Variants in RARA observed in about 807,000 individuals in gnomAD.
RARA encodes PML-DDX5-RARA fusion.
Under a neutral mutation model 42.8 loss-of-function variants are expected in RARA, and 5 were observed. The ratio of observed to expected loss-of-function variants is 0.12; its 90% CI spans 0.06 to 0.25. The LOEUF is 0.25. Ranked by LOEUF, RARA falls within the 10% of genes least tolerant of loss-of-function variation. The probability of loss-of-function intolerance (pLI) is 1.00; values close to 1 mark genes in which losing one functional copy is unlikely to be tolerated. For missense variants in RARA, 402 were observed against 628.7 expected (o/e 0.64, Z 3.86); for synonymous variants, 256 against 259.5 (o/e 0.99, Z 0.13).
rs930537624 is a variant in RARA, at chr17:40,355,664, C to G, written c.1171+243C>G. ...GGTGTGTGTCCTTGTGTGGGTCACT[C>G]AACAGCTCCTAGCTACAGTTTCCCT... On this transcript the variant is annotated intron_variant, in intron 8 of 8. Transcript: ENST00000254066. The surrounding 1 kb of genome is among the most constrained non-coding windows in gnomAD (Gnocchi z 4.1). Among the ~76,000 whole-genome samples the G allele has an allele frequency of 2.6e-5, 4 of 152,224 alleles. No homozygotes were observed. The highest frequency in any genetic ancestry group is 6.5e-5 in the Admixed American group (1 of 15,294).
intron 2 of RARA, among the ~76,000 whole-genome samples, chr17:40,336,428 G>A (rs1291806551): frequency 6.6e-6 from 1 of 152,104 alleles, no homozygotes. Flanking sequence ...GTCTAGCTCT[G>A]TTAGCCAGGC....
Position 40,349,766 on chromosome 17 carries a change from C to T in RARA, c.328-18C>T. The T allele has an allele frequency of 6.2e-7, 1 of 1,613,680 alleles. No individual in the cohort carries two copies. The highest frequency in any genetic ancestry group is 1.7e-5 in the Admixed American group (1 of 60,012). On this transcript the variant is annotated intron_variant, in intron 3 of 8. Coordinates refer to ENST00000254066, the MANE Select transcript of RARA (RefSeq NM_000964.4). The stretch of plus-strand genomic sequence containing the variant: ...ACTGTGGGTGTGGACAACCTGACTC[C>T]CTCCCCTCCATACCCAGGGCTTCTT...
In RARA at chr17:40,352,760, A is replaced by C. The variant is rs1461844482; in HGVS notation, c.807+253A>C. 1.3e-5 allele frequency among the ~76,000 whole-genome samples: 2 copies of C among 152,132 alleles called. No homozygotes were observed. The highest frequency in any genetic ancestry group is 4.8e-5 in the African/African-American group (2 of 41,420). ...CACATATCCAGCCACCCAGCCATCCATCCATTTAGCCAGTAATAAAGATTC... is the reference window on the plus strand; with the variant it reads ...CACATATCCAGCCACCCAGCCATCCCTCCATTTAGCCAGTAATAAAGATTC... On this transcript the variant is annotated intron_variant, in intron 6 of 8. Coordinates refer to ENST00000254066, the MANE Select transcript of RARA (RefSeq NM_000964.4). This position sits in a 1 kb window ranked among gnomAD's most constrained non-coding sequence, Gnocchi z 4.9.
At position 40,356,739 on chromosome 17, in the gene RARA, TTTTTA is replaced by T. The variant is rs1486504153; in HGVS notation, c.*519_*523del. On this transcript the variant is annotated 3_prime_UTR_variant, in exon 9 of 9. Coordinates refer to ENST00000254066, the MANE Select transcript of RARA (RefSeq NM_000964.4). ...CAGGTATTAATTCTCGCTGGTTTTG[TTTTTA>T]TTTTAATTTTTTTGTTTTGATTTTT... The T allele has an allele frequency of 5.6e-6, 3 of 531,102 alleles. No individual in the cohort carries two copies. Among genetic ancestry groups the T allele is most frequent in the East Asian group, 3.9e-5 (1 of 25,744 alleles). 32.9% of individuals were successfully genotyped at this position (531,102 alleles called of 1,614,324 possible).
chr17:40,357,117 C>T lies in RARA; in HGVS notation c.*891C>T. The T allele has an allele frequency of 3.5e-6, 1 of 288,990 alleles. No individual in the cohort carries two copies. The highest frequency in any genetic ancestry group is 6.6e-6 in the Non-Finnish European group (1 of 150,614). 17.9% of individuals were successfully genotyped at this position (288,990 alleles called of 1,614,324 possible). ...CCTGGCCTTGGCACTTGCCTGCACCCACCATGAGGCATGGAGCAGGGCAGA... is the reference window on the plus strand; with the variant it reads ...CCTGGCCTTGGCACTTGCCTGCACCTACCATGAGGCATGGAGCAGGGCAGA... On this transcript the variant is annotated 3_prime_UTR_variant, in exon 9 of 9. Coordinates refer to ENST00000254066, the MANE Select transcript of RARA (RefSeq NM_000964.4).
chr17:40,311,475 C>T (rs1180872045), intron 1 of RARA, among the ~76,000 whole-genome samples: 2 of 152,074 alleles, frequency 1.3e-5, no homozygotes, highest in African/African-American at 2.4e-5. Context: ...GAAAGGACAG[C>T]GATGAGCCAG....
At chr17:40,338,662 G>A (rs545092078) in intron 2 of RARA, among the ~76,000 whole-genome samples, 13 of 145,342 alleles carry the variant, frequency 8.9e-5, no homozygotes, top group Non-Finnish European at 1.3e-4. Context: ...AGCCGAGATC[G>A]CGCCATTGCA....
Position 40,340,060 on chromosome 17 carries a change from A to G in RARA, c.179-8256A>G, listed in dbSNP as rs562506589. On this transcript the variant is annotated intron_variant, in intron 2 of 8. Coordinates refer to ENST00000254066, the MANE Select transcript of RARA (RefSeq NM_000964.4). ...TCTGCTTTGCAGTCTCAGGAACTTC[A>G]CTGATGCGTAAGTCACACACAAGTC... Among the ~76,000 whole-genome samples, 4 of 152,198 alleles carry G rather than the reference A, an allele frequency of 2.6e-5. No individual in the cohort carries two copies. The South Asian group carries it at 8.3e-4, about 32-fold the overall frequency.
chr17:40,338,506 C>A (rs946196207), intron 2 of RARA, among the ~76,000 whole-genome samples: 2 of 152,128 alleles, frequency 1.3e-5, no homozygotes, highest in Non-Finnish European at 2.9e-5. Context: ...TGGCCTTGGG[C>A]AGGTCACCCA....
Position 40,354,655 on chromosome 17 carries a change from G to T in RARA, c.1012+149G>T. 2.9e-6 allele frequency: 3 copies of T among 1,039,938 alleles called. No homozygotes were observed. Among genetic ancestry groups the T allele is most frequent in the Non-Finnish European group, 4.1e-6 (3 of 733,704 alleles). The allele number at this position is 1,039,938 out of a possible 1,614,324, so 64.4% of individuals were successfully genotyped here. ...ACTACACAGCAAGGGGGCCATGTGGGGCCTGGACTCCTGTTCCCGATTTCT... is the reference window on the plus strand; with the variant it reads ...ACTACACAGCAAGGGGGCCATGTGGTGCCTGGACTCCTGTTCCCGATTTCT... On this transcript the variant is annotated intron_variant, in intron 7 of 8. Transcript: ENST00000254066. The surrounding 1 kb of genome is among the most constrained non-coding windows in gnomAD (Gnocchi z 4.5).
intron 1 of RARA, among the ~76,000 whole-genome samples, chr17:40,321,152 T>A (rs907085080): frequency 1.3e-5 from 2 of 151,894 alleles, no homozygotes; most frequent in African/African-American, 4.8e-5. Flanking sequence ...GGGAGTATTC[T>A]GGGAATTGGC....
At chr17:40,339,391 C>T (rs1455315937) in intron 2 of RARA, among the ~76,000 whole-genome samples, 2 of 152,230 alleles carry the variant, frequency 1.3e-5, no homozygotes, top group African/African-American at 4.8e-5. Context: ...TAAGGCTGAG[C>T]AGGATGGGGC....
intron 2 of RARA, chr17:40,342,655 G>C (rs998511298): frequency 8.3e-6 from 13 of 1,564,184 alleles, no homozygotes; most frequent in Admixed American, 1.8e-5. Flanking sequence ...GAGTGACGGG[G>C]GCGGCGCGCA....
At chr17:40,338,028 G>A (rs960764011) in intron 2 of RARA, among the ~76,000 whole-genome samples, 2 of 152,216 alleles carry the variant, frequency 1.3e-5, no homozygotes, top group Admixed American at 6.5e-5. Context: ...ATGAAAATGG[G>A]GTCCCTCACC....
Position 40,356,828 on chromosome 17 carries a change from G to T in RARA, c.*602G>T. ...CTGAAGGAATTTGTGCTGTGTATTGGGGGGAGCTGGATCCAGAGCTGGAGG... is the reference window on the plus strand; with the variant it reads ...CTGAAGGAATTTGTGCTGTGTATTGTGGGGAGCTGGATCCAGAGCTGGAGG... On this transcript the variant is annotated 3_prime_UTR_variant, in exon 9 of 9. Transcript: ENST00000254066. 3 of 453,312 alleles carry T rather than the reference G, an allele frequency of 6.6e-6. No homozygotes were observed. The highest frequency in any genetic ancestry group is 3.2e-5 in the Admixed American group (1 of 31,120). The allele number at this position is 453,312 out of a possible 1,614,324, so 28.1% of individuals were successfully genotyped here.
chr17:40,320,199 T>G lies in RARA; in HGVS notation c.-362-10658T>G, dbSNP rs1312711226. On this transcript the variant is annotated intron_variant, in intron 1 of 8. Transcript: ENST00000254066. The surrounding 1 kb of genome is among the most constrained non-coding windows in gnomAD (Gnocchi z 4.1). Reference sequence around the variant, plus strand: ...TTCTGAGAAGATCCTGGGGTTGAAATGGCTTAATCCTGGCCACATCCTCCT... The same window carrying G: ...TTCTGAGAAGATCCTGGGGTTGAAAGGGCTTAATCCTGGCCACATCCTCCT... Among the ~76,000 whole-genome samples the G allele has an allele frequency of 6.6e-6, 1 of 152,090 alleles. No individual in the cohort carries two copies. Among genetic ancestry groups the G allele is most frequent in the Non-Finnish European group, 1.5e-5 (1 of 68,002 alleles).
At chr17:40,342,371 T>C in intron 2 of RARA, 1 of 1,094,114 alleles carries the variant, frequency 9.1e-7, no homozygotes, top group Admixed American at 5.1e-5. Context: ...GGAGCCGCTG[T>C]ACTCTGCCTC....
In RARA at chr17:40,354,331, C is replaced by T. The variant is rs77633370; in HGVS notation, c.837C>T (p.Pro279=). Residue 279 remains proline, a synonymous_variant, in exon 7 of 9, where the codon CCC becomes CCT. Coordinates refer to ENST00000254066, the MANE Select transcript of RARA (RefSeq NM_000964.4). This position sits in a 1 kb window ranked among gnomAD's most constrained non-coding sequence, Gnocchi z 4.5. ...LILRICTRYT[P]EQDTMTFSDG... is the part of the protein sequence containing the mutation. ...TGCGGATCTGCACGCGGTACACGCC[C>T]GAGCAGGACACCATGACCTTCTCGG... 4.7e-3 allele frequency: 7,540 copies of T among 1,614,144 alleles called. 59 individuals are homozygous for T. The highest frequency in any genetic ancestry group is 0.032 in the African/African-American group (2,406 of 75,020).
At chr17:40,339,356 C>G (rs2033954102) in intron 2 of RARA, among the ~76,000 whole-genome samples, 1 of 152,182 alleles carries the variant, frequency 6.6e-6, no homozygotes, top group African/African-American at 2.4e-5. Context: ...AAACGCAAAG[C>G]CCTGAGAAGG....
Sources: allele counts gnomAD v4.1 joint callset (sites outside exome capture counted in the v4.1 genomes callset), GRCh38; gene constraint gnomAD v4.1.1; non-coding constraint Gnocchi (gnomAD v3.1); transcripts MANE v1.5; gene names NCBI Gene and HGNC (gene_info 2026-07-23, HGNC 2026-07-21).